Variants in NRG2 observed in about 807,000 individuals in gnomAD.
NRG2 encodes pro-neuregulin-2, membrane-bound isoform.
Under a neutral mutation model 73.9 loss-of-function variants are expected in NRG2, and 27 were observed. The ratio of observed to expected loss-of-function variants is 0.37; its 90% CI spans 0.27 to 0.50. The LOEUF (loss-of-function observed/expected upper bound fraction) is 0.50, where lower values mean the gene tolerates loss of function less well. Among genes scored for constraint, NRG2 ranks in the 20% least tolerant of loss-of-function variants. The pLI is 0.96. For missense variants in NRG2, 1,126 were observed against 1,210.1 expected (o/e 0.93, Z 1.03); for synonymous variants, 532 against 541.0 (o/e 0.98, Z 0.23).
chr5:139,930,842 G>A (rs1348384508), intron 1 of NRG2, among the ~76,000 whole-genome samples: 3 of 152,198 alleles, frequency 2.0e-5, no homozygotes, highest in Non-Finnish European at 2.9e-5. Context: ...GTAACAAGAC[G>A]CTGTGCAGGG....
At chr5:140,030,783 C>G (rs1761078550) in intron 1 of NRG2, among the ~76,000 whole-genome samples, 1 of 152,164 alleles carries the variant, frequency 6.6e-6, no homozygotes, top group Non-Finnish European at 1.5e-5. Context: ...CTACTTGGCT[C>G]TACATGGTGG....
chr5:139,871,840 C>A lies in NRG2; in HGVS notation c.993G>T (p.Val331=). ...TVRGRLYVNS[V]STTLSSWSGH... is the part of the protein sequence containing the mutation. ...CCGACCAGGATGACAGGGTGGTGCT[C>A]ACTGAGGGTATGAGAGACATGTGCC... The change falls in exon 4 of 10, where the codon GTG becomes GTT. Residue 331 remains valine (V), a splice_region_variant and synonymous_variant. Transcript: ENST00000361474. 6.2e-7 allele frequency: 1 copy of A among 1,613,874 alleles called. No individual in the cohort carries two copies. The highest frequency in any genetic ancestry group is 1.1e-5 in the South Asian group (1 of 91,032).
chr5:139,943,520 T>A (rs1435355573), intron 1 of NRG2, among the ~76,000 whole-genome samples: 1 of 152,248 alleles, frequency 6.6e-6, no homozygotes, highest in East Asian at 1.9e-4. Context: ...TTTTTCTGAC[T>A]GTTTCTTGTC....
intron 1 of NRG2, among the ~76,000 whole-genome samples, chr5:140,023,531 T>C (rs1305052899): frequency 1.3e-5 from 2 of 152,266 alleles, no homozygotes; most frequent in Non-Finnish European, 2.9e-5. Flanking sequence ...CACTTGCTAC[T>C]GATTCATGTG....
chr5:140,017,713 T>C (rs1029012868), intron 1 of NRG2, among the ~76,000 whole-genome samples: 2 of 152,076 alleles, frequency 1.3e-5, no homozygotes, highest in African/African-American at 4.8e-5. Flanking sequence ...GAGGTCATGA[T>C]ATAGAGACAA....
chr5:139,878,469 C>T (rs777903818), intron 3 of NRG2, among the ~76,000 whole-genome samples: 31 of 152,272 alleles, frequency 2.0e-4, no homozygotes, highest in Non-Finnish European at 3.5e-4. Flanking sequence ...CCCCACTCCC[C>T]AAACATGAGA....
chr5:140,039,518 G>A (rs1048568550), intron 1 of NRG2, among the ~76,000 whole-genome samples: 12 of 152,142 alleles, frequency 7.9e-5, no homozygotes, highest in Admixed American at 6.5e-5. Flanking sequence ...TGCTCTTCCA[G>A]AAAGACCCCT....
At chr5:139,871,204 C>A in intron 4 of NRG2, 1 of 158,862 alleles carries the variant, frequency 6.3e-6, no homozygotes, top group Non-Finnish European at 1.4e-5. Flanking sequence ...CTGGGCAGAC[C>A]CCTCTTCTCC....
At chr5:139,916,934 G>A (rs913470457) in intron 1 of NRG2, among the ~76,000 whole-genome samples, 6 of 152,260 alleles carry the variant, frequency 3.9e-5, no homozygotes, top group Non-Finnish European at 8.8e-5. Context: ...ATCCCACTTG[G>A]AAGTAAGATT....
chr5:140,011,952 C>A (rs1235688342), intron 1 of NRG2, among the ~76,000 whole-genome samples: 1 of 152,178 alleles, frequency 6.6e-6, no homozygotes, highest in African/African-American at 2.4e-5. Context: ...TCTCCCATTG[C>A]ACATGGGATG....
chr5:139,885,716 G>A (rs1313814174), intron 2 of NRG2, among the ~76,000 whole-genome samples: 3 of 151,956 alleles, frequency 2.0e-5, no homozygotes, highest in Non-Finnish European at 4.4e-5. Context: ...GGGTGTGTGT[G>A]TGTGGTGGGG....
chr5:139,988,707 A>G (rs1757357154), intron 1 of NRG2, among the ~76,000 whole-genome samples: 1 of 152,048 alleles, frequency 6.6e-6, no homozygotes, highest in Non-Finnish European at 1.5e-5. Context: ...TACTATAGCG[A>G]ATGTATGTCC....
chr5:139,977,706 A>G (rs1452198212), intron 1 of NRG2, among the ~76,000 whole-genome samples: 1 of 152,230 alleles, frequency 6.6e-6, no homozygotes, highest in East Asian at 1.9e-4. Flanking sequence ...CTACAAGGCT[A>G]CAGTAACCAA....
intron 1 of NRG2, among the ~76,000 whole-genome samples, chr5:139,924,219 C>G (rs367931458): frequency 1.3e-5 from 2 of 152,308 alleles, no homozygotes; most frequent in East Asian, 3.9e-4. Flanking sequence ...TGTCTGGGCT[C>G]AAGAATCTCC....
At chr5:140,034,481 A>G (rs1761367841) in intron 1 of NRG2, among the ~76,000 whole-genome samples, 1 of 152,370 alleles carries the variant, frequency 6.6e-6, no homozygotes, top group Admixed American at 6.5e-5. Flanking sequence ...TGGCAGTCCT[A>G]GCCAGTGTAA....
chr5:139,911,571 G>T (rs1486603927), intron 1 of NRG2, among the ~76,000 whole-genome samples: 2 of 152,162 alleles, frequency 1.3e-5, no homozygotes, highest in Non-Finnish European at 2.9e-5. Context: ...GAAAGCCTGC[G>T]GCATGGTACC....
intron 1 of NRG2, among the ~76,000 whole-genome samples, chr5:139,892,770 T>C (rs566918995): frequency 1.3e-5 from 2 of 152,234 alleles, no homozygotes; most frequent in South Asian, 2.1e-4. Context: ...GGGCAGGCAT[T>C]TATCCCCCAT....
intron 1 of NRG2, among the ~76,000 whole-genome samples, chr5:140,023,538 T>C (rs946616377): frequency 6.6e-6 from 1 of 152,258 alleles, no homozygotes; most frequent in African/African-American, 2.4e-5. Flanking sequence ...TACTGATTCA[T>C]GTGAGTTTAA....
intron 3 of NRG2, among the ~76,000 whole-genome samples, chr5:139,872,921 T>C (rs2127077828): frequency 6.6e-6 from 1 of 152,212 alleles, no homozygotes; most frequent in East Asian, 1.9e-4. Context: ...GGGCCTCTCG[T>C]TCCCACCCAG....
Sources: gnomAD v4.1 joint callset for allele counts (sites outside exome capture counted in the v4.1 genomes callset) on GRCh38, gnomAD v4.1.1 for gene constraint, MANE v1.5 for transcripts, NCBI Gene and HGNC (gene_info 2026-07-23, HGNC 2026-07-21) for gene names.